SLC4A4: variants seen among roughly 807,000 people sequenced by gnomAD.
SLC4A4 encodes electrogenic sodium bicarbonate cotransporter 1.
SLC4A4 carries 27 observed loss-of-function variants against 111.5 expected under a neutral mutation model. The observed-to-expected ratio is 0.24, with a 90% CI of 0.18 to 0.33. SLC4A4 has a LOEUF of 0.33. Among genes scored for constraint, SLC4A4 ranks in the 10% least tolerant of loss-of-function variants. The pLI is 1.00. For synonymous variants in SLC4A4, 443 were observed against 463.4 expected (o/e 0.96, Z 0.57); for missense variants, 909 against 1,315.5 (o/e 0.69, Z 4.78).
At chr4:71,305,848 A>G (rs1725639837) in intron 3 of SLC4A4, among the ~76,000 whole-genome samples, 1 of 152,236 alleles carries the variant, frequency 6.6e-6, no homozygotes, top group South Asian at 2.1e-4. Context: ...TGAAGATTTT[A>G]TAATGCAGTG....
chr4:71,526,157 C>T (rs1348369601), intron 16 of SLC4A4, among the ~76,000 whole-genome samples: 2 of 152,032 alleles, frequency 1.3e-5, no homozygotes, highest in African/African-American at 4.8e-5. Context: ...CCCTACCTGT[C>T]TTCTCTAATT....
In SLC4A4 at chr4:71,498,158, G is replaced by A. The variant is rs112903759; in HGVS notation, c.2166+466G>A. ...TAAATTGTGTTGTTACACAAGTATT[G>A]GTGTAAGATATGACTGTCATATGAG... On this transcript the variant is annotated intron_variant, in intron 16 of 25. Coordinates refer to ENST00000264485, the MANE Select transcript of SLC4A4 (RefSeq NM_001098484.3). Among the ~76,000 whole-genome samples the A allele has an allele frequency of 4.6e-5, 7 of 152,120 alleles. 1 individual carries two copies. Among genetic ancestry groups the A allele is most frequent in the Middle Eastern group, 3.4e-3 (1 of 294 alleles).
chr4:71,225,220 C>G (rs751586378), intron 1 of SLC4A4, among the ~76,000 whole-genome samples: 1 of 151,960 alleles, frequency 6.6e-6, no homozygotes. Flanking sequence ...GGCATGGTGG[C>G]GCATGCCTGT....
intron 1 of SLC4A4, chr4:71,233,349 G>C: frequency 1.0e-6 from 1 of 982,454 alleles, no homozygotes; most frequent in Middle Eastern, 5.2e-4. Flanking sequence ...GAAGACATTG[G>C]TGATCATGAC....
chr4:71,168,007 T>G (rs1744828212), intron 2 of SLC4A4, among the ~76,000 whole-genome samples: 1 of 151,912 alleles, frequency 6.6e-6, no homozygotes, highest in Non-Finnish European at 1.5e-5. Context: ...ATTTATTTGT[T>G]TTTTTAAAAT....
At chr4:71,385,431 C>T (rs1341569298) in intron 6 of SLC4A4, among the ~76,000 whole-genome samples, 1 of 151,646 alleles carries the variant, frequency 6.6e-6, no homozygotes, top group African/African-American at 2.4e-5. Flanking sequence ...CTACTGACCT[C>T]AGGCAATCCG....
rs567234949 is a variant in SLC4A4, at chr4:71,143,125, T to A, written c.-2+50333T>A. 5.2e-3 allele frequency among the ~76,000 whole-genome samples: 782 copies of A among 150,606 alleles called. 10 individuals are homozygous for A. The highest frequency in any genetic ancestry group is 0.018 in the African/African-American group (750 of 41,042). On this transcript the variant is annotated intron_variant, in intron 2 of 26. Transcript: ENST00000649996. ...CCCCCCACCATGCAACCATCCCCGG[T>A]GTGTGATGTTCCCCTTCCTGTGTCC... is the stretch of plus-strand genomic sequence containing the variant.
At chr4:71,406,244 A>G (rs34267183) in intron 7 of SLC4A4, among the ~76,000 whole-genome samples, 1 of 151,954 alleles carries the variant, frequency 6.6e-6, no homozygotes, top group Non-Finnish European at 1.5e-5. Context: ...AAAGTTTTAT[A>G]CCTTATATGG....
At chr4:71,524,612 C>T (rs916442602) in intron 16 of SLC4A4, among the ~76,000 whole-genome samples, 10 of 151,852 alleles carry the variant, frequency 6.6e-5, no homozygotes, top group Non-Finnish European at 1.5e-5. Flanking sequence ...AATCAAAGTA[C>T]AGTGAATTAG....
intron 2 of SLC4A4, among the ~76,000 whole-genome samples, chr4:71,157,287 T>C (rs541323939): frequency 7.9e-5 from 12 of 152,294 alleles, no homozygotes; most frequent in Non-Finnish European, 1.5e-4. Flanking sequence ...AATAAAGCCA[T>C]GCCACTTAGA....
chr4:71,154,594 G>A (rs1433059492), intron 2 of SLC4A4, among the ~76,000 whole-genome samples: 2 of 152,066 alleles, frequency 1.3e-5, no homozygotes, highest in African/African-American at 2.4e-5. Context: ...ATAGAATTGG[G>A]TAATTATTAT....
chr4:71,423,656 G>C (rs369333224), intron 7 of SLC4A4, among the ~76,000 whole-genome samples: 1 of 152,132 alleles, frequency 6.6e-6, no homozygotes, highest in Non-Finnish European at 1.5e-5. Context: ...TAGATCAATG[G>C]AACAGAACAG....
intron 6 of SLC4A4, among the ~76,000 whole-genome samples, chr4:71,377,654 G>T (rs532528768): frequency 2.0e-5 from 3 of 152,222 alleles, no homozygotes; most frequent in Middle Eastern, 6.8e-3. Context: ...AGGGGTCTCT[G>T]CTCATCATTG....
intron 5 of SLC4A4, among the ~76,000 whole-genome samples, chr4:71,354,666 C>T (rs1730124907): frequency 6.6e-6 from 1 of 151,636 alleles, no homozygotes; most frequent in Non-Finnish European, 1.5e-5. Flanking sequence ...TTTGCAAAAG[C>T]TCTGCGTATA....
At chr4:71,450,690 A>T (rs1725681036) in intron 10 of SLC4A4, 147 bp downstream of exon 10, 1 of 735,788 alleles carries the variant, frequency 1.4e-6, no homozygotes, top group South Asian at 1.7e-5. Context: ...TGGATCACTT[A>T]TGTGCCTTGG....
At chr4:71,422,611 C>G (rs1044174715) in intron 7 of SLC4A4, among the ~76,000 whole-genome samples, 29 of 151,888 alleles carry the variant, frequency 1.9e-4, no homozygotes, top group Non-Finnish European at 3.7e-4. Context: ...AAACCAAATC[C>G]AGCAGCACAT....
chr4:71,174,163 CT>C (rs1051624621), intron 2 of SLC4A4, among the ~76,000 whole-genome samples: 3 of 150,304 alleles, frequency 2.0e-5, no homozygotes, highest in African/African-American at 2.4e-5. Context: ...AACCAATTTC[CT>C]TTTTTTTTCC....
intron 15 of SLC4A4, among the ~76,000 whole-genome samples, chr4:71,487,594 G>C (rs978790908): frequency 6.6e-6 from 1 of 151,622 alleles, no homozygotes; most frequent in Non-Finnish European, 1.5e-5. Flanking sequence ...GGAGGCTTTT[G>C]TATTGGAGAA....
chr4:71,317,075 C>CGTGTGTGTGTGT (rs3039073), intron 3 of SLC4A4, among the ~76,000 whole-genome samples: 6 of 147,480 alleles, frequency 4.1e-5, no homozygotes, highest in African/African-American at 1.5e-4. Context: ...TGTGTGTGTG[C>CGTGTGTGTGTGT]GTGTGTGTGT....
Sources: allele counts gnomAD v4.1 joint callset (sites outside exome capture counted in the v4.1 genomes callset), GRCh38; gene constraint gnomAD v4.1.1; transcripts MANE v1.5; gene names NCBI Gene and HGNC (gene_info 2026-07-23, HGNC 2026-07-21).